CD70: variants seen among roughly 807,000 people sequenced by gnomAD.
The protein encoded by CD70 is CD70 antigen.
CD70 carries 6 observed loss-of-function variants against 9.0 expected under a neutral mutation model. The ratio of observed to expected loss-of-function variants is 0.67; its 90% CI spans 0.37 to 1.32. CD70 has a LOEUF of 1.32. Among genes scored for constraint, CD70 ranks in the 40% most tolerant of loss-of-function variants. CD70 has a pLI of 0.02. For synonymous variants in CD70, 108 were observed against 112.3 expected (o/e 0.96, Z 0.24); for missense variants, 235 against 258.7 (o/e 0.91, Z 0.63).
At chr19:6,588,998 C>T (rs1438406452) in intron 2 of CD70, among the ~76,000 whole-genome samples, 1 of 152,156 alleles carries the variant, frequency 6.6e-6, no homozygotes, top group Non-Finnish European at 1.5e-5. Flanking sequence ...ACTAACAAAA[C>T]CCCTTTGATT....
At position 6,590,962 on chromosome 19, in the gene CD70, G is replaced by A; in HGVS notation, c.41C>T (p.Pro14Leu). 6.2e-7 allele frequency: 1 copy of A among 1,613,644 alleles called. No individual in the cohort carries two copies. Among genetic ancestry groups the A allele is most frequent in the Non-Finnish European group, 8.5e-7 (1 of 1,179,818 alleles). The change falls in exon 1 of 3, where the codon CCC becomes CTC. Residue 14 changes from proline to leucine, a missense_variant. By Grantham distance (98) the Pro-to-Leu change is moderately conservative. Transcript: ENST00000245903. This position sits in a 1 kb window ranked among gnomAD's most constrained non-coding sequence, Gnocchi z 5.3. Reference protein sequence around the residue: ...EGSGCSVRRRPYGCVLRAALV... With the variant: ...EGSGCSVRRRLYGCVLRAALV... Reference sequence around the variant, plus strand: ...AGCAGCCCGCAGGACGCACCCATAGGGCCTGCGCCGCACCGAGCAGCCCGA... The same window carrying A: ...AGCAGCCCGCAGGACGCACCCATAGAGCCTGCGCCGCACCGAGCAGCCCGA...
chr19:6,581,995 G>T (rs1053397881), downstream of CD70, among the ~76,000 whole-genome samples: 2 of 151,688 alleles, frequency 1.3e-5, no homozygotes, highest in Non-Finnish European at 2.9e-5. Flanking sequence ...GGGGCTGAAG[G>T]TCCCCTGCAA....
chr19:6,589,301 TTCTC>T (rs552485597), intron 2 of CD70, among the ~76,000 whole-genome samples: 7 of 151,316 alleles, frequency 4.6e-5, no homozygotes, highest in African/African-American at 1.2e-4. Context: ...TCTTTTTCCT[TTCTC>T]TCTCTCTCAC....
chr19:6,581,923 T>C (rs1228188139), downstream of CD70, among the ~76,000 whole-genome samples: 1 of 152,104 alleles, frequency 6.6e-6, no homozygotes, highest in Non-Finnish European at 1.5e-5. Flanking sequence ...TTACTTCCTA[T>C]ATACAATGGG....
Position 6,590,166 on chromosome 19 carries a change from G to T in CD70, c.163-30C>A. 1 of 1,607,652 alleles carries T rather than the reference G, an allele frequency of 6.2e-7. No individual in the cohort carries two copies. The highest frequency in any genetic ancestry group is 8.5e-7 in the Non-Finnish European group (1 of 1,174,102). ...AAGAAAAGACCAGAAAACAGGGCAC[G>T]GACGTAAGCAGAGAGGTTCTATGTG... On this transcript the variant is annotated intron_variant, in intron 1 of 2. Transcript: ENST00000245903. This position sits in a 1 kb window ranked among gnomAD's most constrained non-coding sequence, Gnocchi z 5.3.
downstream of CD70, among the ~76,000 whole-genome samples, chr19:6,582,283 G>A (rs1278911780): frequency 1.3e-5 from 2 of 149,990 alleles, no homozygotes; most frequent in Non-Finnish European, 3.0e-5. Context: ...CAATCTGCTC[G>A]CCTCGGCCTC....
At chr19:6,587,421 T>A (rs993005728) in intron 2 of CD70, among the ~76,000 whole-genome samples, 1 of 143,222 alleles carries the variant, frequency 7.0e-6, no homozygotes, top group African/African-American at 2.6e-5. Context: ...CATGGGAGAG[T>A]GTGTGTGTGA....
chr19:6,585,785 C>T (rs918157115), downstream of CD70: 23 of 449,448 alleles, frequency 5.1e-5, 1 homozygote, highest in South Asian at 3.7e-4. Flanking sequence ...AGCGATTCTC[C>T]TGCCTCAGTC....
chr19:6,587,543 A>G (rs2145321774), intron 2 of CD70, among the ~76,000 whole-genome samples: 1 of 151,524 alleles, frequency 6.6e-6, no homozygotes, highest in South Asian at 2.1e-4. Flanking sequence ...ACAGCGCGCA[A>G]GAGAGTGCAC....
intron 2 of CD70, among the ~76,000 whole-genome samples, chr19:6,588,692 C>T (rs565601207): frequency 6.6e-6 from 1 of 152,270 alleles, no homozygotes; most frequent in East Asian, 1.9e-4. Context: ...AATCCCCAAC[C>T]CTGGCATGCC....
Position 6,590,950 on chromosome 19 carries a change from ACGCACCCATAGGGCCTGCGC to A in CD70, c.33_52del (p.Arg12ProfsTer41). The A allele has an allele frequency of 6.2e-7, 1 of 1,613,818 alleles. No homozygotes were observed. Among genetic ancestry groups the A allele is most frequent in the Non-Finnish European group, 8.5e-7 (1 of 1,179,884 alleles). On this transcript the variant is annotated frameshift_variant, in exon 1 of 3. Transcript: ENST00000245903. LOFTEE classifies it high-confidence loss of function. This position sits in a 1 kb window ranked among gnomAD's most constrained non-coding sequence, Gnocchi z 5.3. Reference sequence around the variant, plus strand: ...CAATGGGACCAAAGCAGCCCGCAGGACGCACCCATAGGGCCTGCGCCGCACCGAGCAGCCCGAACCCTCCT... The same window carrying A: ...CAATGGGACCAAAGCAGCCCGCAGGACGCACCGAGCAGCCCGAACCCTCCT...
rs1254991921 is a variant in CD70, at chr19:6,586,328, C to T, written c.274G>A (p.Asp92Asn). 3.1e-6 allele frequency: 5 copies of T among 1,613,528 alleles called. No homozygotes were observed. The highest frequency in any genetic ancestry group is 4.2e-6 in the Non-Finnish European group (5 of 1,179,972). Residue 92 changes from aspartate (D) to asparagine (N), a missense_variant, in exon 3 of 3, where the codon GAC becomes AAC. Transcript: ENST00000245903. ...CGATGGATACGTAGCTGCCCCTTGT[C>T]CAGCTCTGGTCCATGCAGGAAGGAG... Reference protein sequence around the residue: ...GRSFLHGPELDKGQLRIHRDG... With the variant: ...GRSFLHGPELNKGQLRIHRDG...
chr19:6,583,692 T>C (rs1216287492), downstream of CD70, among the ~76,000 whole-genome samples: 1 of 151,220 alleles, frequency 6.6e-6, no homozygotes, highest in Non-Finnish European at 1.5e-5. Context: ...CCTAGTAGCA[T>C]GGATTAGAGG....
intron 2 of CD70, among the ~76,000 whole-genome samples, chr19:6,586,902 CAAAAAAA>C (rs55803401): frequency 1.8e-4 from 15 of 85,338 alleles, no homozygotes; most frequent in African/African-American, 6.5e-4. Flanking sequence ...GAGAGAGAGA[CAAAAAAA>C]AAAAAAAAAA....
Position 6,591,098 on chromosome 19 carries a change from C to T in CD70, c.-96G>A, listed in dbSNP as rs1916150177. The T allele has an allele frequency of 7.5e-7, 1 of 1,340,852 alleles. No individual in the cohort carries two copies. The highest frequency in any genetic ancestry group is 9.9e-7 in the Non-Finnish European group (1 of 1,008,940). The allele number at this position is 1,340,852 out of a possible 1,614,324, so 83.1% of individuals were successfully genotyped here. A position where few individuals can be genotyped will look rare whatever the true frequency, so the allele number is the denominator to read the frequency against. ...AGGAAACTGCAGCCCCCTCCCGGGG[C>T]TCCTGGGCGTCTACTTGCTTCAACC... is the stretch of plus-strand genomic sequence containing the variant. On this transcript the variant is annotated 5_prime_UTR_variant, in exon 1 of 3. Transcript: ENST00000245903.
At chr19:6,583,120 C>T (rs1915950797), downstream of CD70, 4 of 435,594 alleles carry the variant, frequency 9.2e-6, no homozygotes, top group East Asian at 1.0e-4. Context: ...TCTCACTTCC[C>T]CTTCTAGAAG....
In CD70 at chr19:6,586,117, G is replaced by A; in HGVS notation, c.485C>T (p.Ala162Val). The stretch of plus-strand genomic sequence containing the variant: ...GTTGGTGCAGAGTGTGTCCCCTCGG[G>A]CCAGGGGCGTCAGGCGCTGGGAGGC... Reference protein sequence around the residue: ...TIASQRLTPLARGDTLCTNLT... With the variant: ...TIASQRLTPLVRGDTLCTNLT... The change falls in exon 3 of 3, where the codon GCC (alanine) becomes GTC (valine). Residue 162 changes from alanine to valine, a missense_variant. Coordinates refer to ENST00000245903, the MANE Select transcript of CD70 (RefSeq NM_001252.5). 6.2e-7 allele frequency: 1 copy of A among 1,614,018 alleles called. No homozygotes were observed. Among genetic ancestry groups the A allele is most frequent in the Non-Finnish European group, 8.5e-7 (1 of 1,179,916 alleles).
chr19:6,585,831 A>T (rs427003), downstream of CD70: 10 of 541,140 alleles, frequency 1.8e-5, no homozygotes, highest in East Asian at 1.5e-4. Flanking sequence ...CACGCCACGA[A>T]GCCCAGCTGA....
downstream of CD70, among the ~76,000 whole-genome samples, chr19:6,585,616 A>G (rs1473536526): frequency 6.6e-6 from 1 of 152,116 alleles, no homozygotes; most frequent in Non-Finnish European, 1.5e-5. Flanking sequence ...TGCTGGGATT[A>G]CAGGCATGAG....
Sources: gnomAD v4.1 joint callset for allele counts (sites outside exome capture counted in the v4.1 genomes callset) on GRCh38, gnomAD v4.1.1 for gene constraint, Gnocchi (gnomAD v3.1) non-coding constraint, MANE v1.5 for transcripts, NCBI Gene and HGNC (gene_info 2026-07-23, HGNC 2026-07-21) for gene names.